The following CPNE4 variants were observed in gnomAD, a reference collection of about 807,000 sequenced individuals.
CPNE4 encodes the protein copine 4, also known as copine-4.
CPNE4 carries 25 observed loss-of-function variants against 67.9 expected under a neutral mutation model. The ratio of observed to expected loss-of-function variants is 0.37; its 90% CI spans 0.27 to 0.51. The LOEUF (loss-of-function observed/expected upper bound fraction) is 0.51, where lower values mean the gene tolerates loss of function less well. CPNE4 is among the 20% of genes least tolerant of loss of function. The pLI, the probability that CPNE4 is intolerant of heterozygous loss-of-function variation, is 0.93. For missense variants in CPNE4, 464 were observed against 690.8 expected, an observed-to-expected ratio of 0.67 and a Z score of 3.68; for synonymous variants, 242 against 244.9, an observed-to-expected ratio of 0.99 and a Z score of 0.11.
chr3:131,653,437 C>T (rs891709717), intron 7 of CPNE4, among the ~76,000 whole-genome samples: 9 of 152,090 alleles, frequency 5.9e-5, no homozygotes, highest in East Asian at 1.9e-4. Context: ...CGTGAGCCAC[C>T]GCGCCTGGCC....
intron 1 of CPNE4, among the ~76,000 whole-genome samples, chr3:131,920,106 A>G (rs2070699739): frequency 6.6e-6 from 1 of 152,152 alleles, no homozygotes; most frequent in Non-Finnish European, 1.5e-5. Flanking sequence ...CTGTGGATTC[A>G]TAAATGCTGC....
At chr3:131,643,313 A>T (rs1301485150) in intron 7 of CPNE4, among the ~76,000 whole-genome samples, 1 of 152,196 alleles carries the variant, frequency 6.6e-6, no homozygotes, top group Non-Finnish European at 1.5e-5. Flanking sequence ...AAAGGGGATC[A>T]TTTTGGAACT....
intron 12 of CPNE4, among the ~76,000 whole-genome samples, chr3:131,554,992 G>A (rs1032464672): frequency 5.3e-5 from 8 of 152,108 alleles, no homozygotes; most frequent in East Asian, 3.9e-4. Context: ...GGATTCCAAC[G>A]TCTTCAGAAG....
At chr3:131,976,921 C>A (rs973485588) in intron 1 of CPNE4, among the ~76,000 whole-genome samples, 8 of 151,986 alleles carry the variant, frequency 5.3e-5, no homozygotes, top group Non-Finnish European at 8.8e-5. Context: ...CCTGCCTCAG[C>A]CTCCTGAGTA....
chr3:131,788,227 CAA>C (rs1169406744), intron 2 of CPNE4, among the ~76,000 whole-genome samples: 1 of 150,208 alleles, frequency 6.7e-6, no homozygotes, highest in Non-Finnish European at 1.5e-5. Context: ...TTTAAAAAAA[CAA>C]AAGACAAATA....
At chr3:132,021,973 C>T (rs1245850538) in intron 1 of CPNE4, among the ~76,000 whole-genome samples, 1 of 152,178 alleles carries the variant, frequency 6.6e-6, no homozygotes, top group Non-Finnish European at 1.5e-5. Context: ...TGGATATTAC[C>T]TCTTCTCCCC....
At chr3:131,675,445 C>G (rs2080531147) in intron 6 of CPNE4, among the ~76,000 whole-genome samples, 1 of 152,098 alleles carries the variant, frequency 6.6e-6, no homozygotes. Flanking sequence ...TGAGGTCTAT[C>G]TCTCTCCTTA....
chr3:131,711,204 T>C (rs1461933208), intron 3 of CPNE4, among the ~76,000 whole-genome samples: 4 of 152,194 alleles, frequency 2.6e-5, no homozygotes, highest in Non-Finnish European at 4.4e-5. Flanking sequence ...ATACCTGATA[T>C]GTAAAAGTGA....
chr3:131,637,345 A>G (rs1285630504), intron 7 of CPNE4, among the ~76,000 whole-genome samples: 2 of 152,214 alleles, frequency 1.3e-5, no homozygotes. Context: ...CATAAATAGA[A>G]AACAACCACA....
chr3:131,966,431 G>A (rs1042194182), intron 1 of CPNE4, among the ~76,000 whole-genome samples: 30 of 152,124 alleles, frequency 2.0e-4, no homozygotes, highest in African/African-American at 7.2e-4. Context: ...ATGAATCCAG[G>A]AGCTGGTTTT....
intron 2 of CPNE4, among the ~76,000 whole-genome samples, chr3:131,817,985 G>T (rs555197802): frequency 3.3e-5 from 5 of 152,184 alleles, no homozygotes; most frequent in Non-Finnish European, 7.3e-5. Context: ...TTTAAAAAGT[G>T]CACCTTGTGG....
rs920823728 is a variant in CPNE4 at position 131,682,485 on chromosome 3, C to T, written c.591+3390G>A. On this transcript the variant is annotated intron_variant, in intron 6 of 15. Transcript: ENST00000429747. ...CTTCTCCTCTTCCTTTACTTTCTCC[C>T]AAACCAATGGAGTCTGTCTGTAATG... 1.1e-4 allele frequency among the ~76,000 whole-genome samples: 16 copies of T among 152,210 alleles called. 1 individual carries two copies. Among genetic ancestry groups the T allele is most frequent in the Admixed American group, 6.5e-4 (10 of 15,282 alleles).
intron 7 of CPNE4, among the ~76,000 whole-genome samples, chr3:131,655,650 C>CG (rs779804548): frequency 1.1e-4 from 16 of 151,804 alleles, no homozygotes; most frequent in South Asian, 4.2e-4. Flanking sequence ...AAACCGACGT[C>CG]GGGGGGCAGG....
chr3:131,674,882 G>C (rs1241586754), intron 6 of CPNE4, among the ~76,000 whole-genome samples: 2 of 150,422 alleles, frequency 1.3e-5, no homozygotes, highest in African/African-American at 4.9e-5. Flanking sequence ...TCCTTTTCTG[G>C]TTCTTTGAGA....
intron 11 of CPNE4, among the ~76,000 whole-genome samples, chr3:131,556,104 T>C (rs942220168): frequency 6.6e-6 from 1 of 152,044 alleles, no homozygotes; most frequent in African/African-American, 2.4e-5. Context: ...CCAGGTGCAG[T>C]GGCTCACTCC....
At chr3:131,974,994 C>T (rs763365655) in intron 1 of CPNE4, among the ~76,000 whole-genome samples, 12 of 151,948 alleles carry the variant, frequency 7.9e-5, no homozygotes, top group Admixed American at 5.3e-4. Context: ...GGTGACAGAG[C>T]CAGACCCTGT....
At chr3:131,816,731 T>G (rs1369951631) in intron 2 of CPNE4, among the ~76,000 whole-genome samples, 2 of 152,218 alleles carry the variant, frequency 1.3e-5, no homozygotes, top group African/African-American at 4.8e-5. Context: ...ATTTGCATTA[T>G]GTAATTTTTT....
At chr3:131,864,696 A>G (rs959368505) in intron 2 of CPNE4, among the ~76,000 whole-genome samples, 1 of 151,724 alleles carries the variant, frequency 6.6e-6, no homozygotes, top group African/African-American at 2.4e-5. Flanking sequence ...AATACCCTTT[A>G]TTTCCTTCTC....
upstream of CPNE4, chr3:132,037,817 C>A: frequency 1.8e-6 from 1 of 543,314 alleles, no homozygotes; most frequent in East Asian, 3.0e-5. Context: ...AGCCAGGGAA[C>A]AAAAGGGAAG....
Sources: allele counts gnomAD v4.1 joint callset (sites outside exome capture counted in the v4.1 genomes callset), GRCh38; gene constraint gnomAD v4.1.1; transcripts MANE v1.5; gene names NCBI Gene and HGNC (gene_info 2026-07-23, HGNC 2026-07-21).